ACAD11: variants seen among roughly 807,000 people sequenced by gnomAD.
The protein encoded by ACAD11 is acyl-Coenzyme A dehydrogenase family, member 11.
ACAD11 carries 83 observed loss-of-function variants against 102.2 expected under a neutral mutation model. That is an observed-to-expected ratio of 0.81 (90% CI 0.68 to 0.97). The LOEUF (loss-of-function observed/expected upper bound fraction) is 0.97. Ranked by LOEUF, ACAD11 falls within the 50% of genes least tolerant of loss-of-function variation. ACAD11 has a pLI of 0.00. For synonymous variants in ACAD11, 324 were observed against 319.8 expected (o/e 1.01, Z -0.14); for missense variants, 901 against 951.7 (o/e 0.95, Z 0.70).
intron 17 of ACAD11, among the ~76,000 whole-genome samples, chr3:132,572,099 C>T (rs1937397127): frequency 6.6e-6 from 1 of 152,054 alleles, no homozygotes; most frequent in Non-Finnish European, 1.5e-5. Flanking sequence ...TAAAGTGCAT[C>T]AAAACAGGAA....
intron 16 of ACAD11, among the ~76,000 whole-genome samples, chr3:132,576,141 A>G (rs1937520938): frequency 6.6e-6 from 1 of 152,248 alleles, no homozygotes; most frequent in African/African-American, 2.4e-5. Flanking sequence ...TTCAAATTTC[A>G]GAACTGTCTC....
intron 13 of ACAD11, among the ~76,000 whole-genome samples, chr3:132,595,448 C>T (rs1938259462): frequency 6.6e-6 from 1 of 151,998 alleles, no homozygotes; most frequent in African/African-American, 2.4e-5. Context: ...CAAAAATTGA[C>T]AAATGGGACC....
rs1198859444 is a variant in ACAD11, at chr3:132,575,940, G to A, written c.1847-14C>T. Reference sequence around the variant, plus strand: ...CCCTACCTTCACCTGGGAAGAAAGGGGAAAAAAAGGGGGAATGTGAAAATG... The same window carrying A: ...CCCTACCTTCACCTGGGAAGAAAGGAGAAAAAAAGGGGGAATGTGAAAATG... On this transcript the variant is annotated splice_polypyrimidine_tract_variant and intron_variant, in intron 16 of 19. Transcript: ENST00000264990. The A allele has an allele frequency of 1.2e-6, 2 of 1,604,996 alleles. No individual in the cohort carries two copies. Among genetic ancestry groups the A allele is most frequent in the South Asian group, 1.1e-5 (1 of 89,024 alleles).
At chr3:132,614,038 CAGAG>C (rs372695126) in intron 11 of ACAD11, among the ~76,000 whole-genome samples, 4,405 of 152,204 alleles carry the variant, frequency 0.029, 70 homozygotes, top group African/African-American at 0.03. Flanking sequence ...AATAGACAAA[CAGAG>C]AGCCAAATCT....
intron 17 of ACAD11, among the ~76,000 whole-genome samples, chr3:132,569,762 G>A (rs1429072431): frequency 6.6e-6 from 1 of 152,150 alleles, no homozygotes; most frequent in African/African-American, 2.4e-5. Flanking sequence ...TGACAAAATT[G>A]TAAAATGAAG....
In ACAD11 at chr3:132,578,783, A is replaced by G. The variant is rs1937558133; in HGVS notation, c.1774+13T>C. ...TGCTTGCTAATGCATGGTCATATTT[A>G]TTGGATACCTACCTGTGTAGCCAAA... On this transcript the variant is annotated intron_variant, in intron 15 of 19. Coordinates refer to ENST00000264990, the MANE Select transcript of ACAD11 (RefSeq NM_032169.5). 1 of 1,611,042 alleles carries G rather than the reference A, an allele frequency of 6.2e-7. No individual in the cohort carries two copies. Among genetic ancestry groups the G allele is most frequent in the African/African-American group, 1.3e-5 (1 of 74,722 alleles).
intron 9 of ACAD11, among the ~76,000 whole-genome samples, chr3:132,620,142 T>C (rs1939555461): frequency 2.0e-5 from 3 of 152,076 alleles, no homozygotes; most frequent in South Asian, 4.1e-4. Context: ...AAAACCTAAG[T>C]GGAAGAAAAT....
intron 13 of ACAD11, chr3:132,600,784 T>G (rs1181629249): frequency 6.2e-7 from 1 of 1,613,924 alleles, no homozygotes; most frequent in Non-Finnish European, 8.5e-7. Flanking sequence ...GAATGCAGTT[T>G]CTGGCTTGTA....
At chr3:132,612,578 C>T (rs1939205151) in intron 11 of ACAD11, among the ~76,000 whole-genome samples, 1 of 152,082 alleles carries the variant, frequency 6.6e-6, no homozygotes, top group South Asian at 2.1e-4. Context: ...TATGAACAGA[C>T]ACTTCTCAAA....
At position 132,559,827 on chromosome 3, in the gene ACAD11, A is replaced by T. The variant is rs756972848; in HGVS notation, c.2228+6T>A. ...CGTAGATGATTCTTAAATGACATCT[A>T]CTCACATGTTAGCCAGAGGGTAATC... On this transcript the variant is annotated splice_donor_region_variant and intron_variant, in intron 19 of 19. Coordinates refer to ENST00000264990, the MANE Select transcript of ACAD11 (RefSeq NM_032169.5). 2 of 1,608,428 alleles carry T rather than the reference A, an allele frequency of 1.2e-6. No individual in the cohort carries two copies. The highest frequency in any genetic ancestry group is 2.2e-5 in the South Asian group (2 of 90,634).
At chr3:132,651,984 G>A (rs557718752) in intron 1 of ACAD11, among the ~76,000 whole-genome samples, 30 of 152,134 alleles carry the variant, frequency 2.0e-4, no homozygotes, top group Non-Finnish European at 3.4e-4. Context: ...ATAAGACTTT[G>A]GGGGACTGTC....
intron 18 of ACAD11, among the ~76,000 whole-genome samples, chr3:132,560,405 ATTTT>A (rs1013771155): frequency 4.6e-5 from 7 of 152,008 alleles, no homozygotes; most frequent in Admixed American, 3.3e-4. Context: ...CATGCTGTGC[ATTTT>A]TTGTTTTGTT....
At chr3:132,623,586 A>T (rs1161713234) in intron 9 of ACAD11, among the ~76,000 whole-genome samples, 1 of 152,176 alleles carries the variant, frequency 6.6e-6, no homozygotes, top group Admixed American at 6.5e-5. Context: ...GATTTAAAGG[A>T]TCTTCAAAGA....
At chr3:132,568,452 A>T (rs1161810493) in intron 17 of ACAD11, among the ~76,000 whole-genome samples, 1 of 152,212 alleles carries the variant, frequency 6.6e-6, no homozygotes, top group Admixed American at 6.5e-5. Context: ...AAAACTCCAC[A>T]TAGTAAAGAT....
chr3:132,648,949 T>G (rs1940818809), intron 1 of ACAD11, among the ~76,000 whole-genome samples: 1 of 152,174 alleles, frequency 6.6e-6, no homozygotes, highest in African/African-American at 2.4e-5. Context: ...CAGAAACATG[T>G]GTTGTATGGA....
At chr3:132,610,080 C>A (rs775845316) in intron 11 of ACAD11, among the ~76,000 whole-genome samples, 1 of 152,062 alleles carries the variant, frequency 6.6e-6, no homozygotes, top group African/African-American at 2.4e-5. Context: ...ATTAAACACC[C>A]CTTCATGCAA....
intron 17 of ACAD11, among the ~76,000 whole-genome samples, chr3:132,564,628 G>A (rs1263940522): frequency 1.3e-5 from 2 of 152,096 alleles, no homozygotes; most frequent in African/African-American, 4.8e-5. Flanking sequence ...CTTGGCTCCA[G>A]ACCCCATTCT....
intron 14 of ACAD11, 115 bp from the exon 15 acceptor site, chr3:132,578,996 A>G (rs569851852): frequency 6.5e-7 from 1 of 1,536,472 alleles, no homozygotes; most frequent in East Asian, 2.4e-5. Context: ...GTAAGCAGTG[A>G]TGACTGGAAT....
At chr3:132,649,371 C>G (rs1361154194) in intron 1 of ACAD11, among the ~76,000 whole-genome samples, 3 of 152,182 alleles carry the variant, frequency 2.0e-5, no homozygotes, top group Non-Finnish European at 2.9e-5. Flanking sequence ...GAAAAGCCAC[C>G]CTGTGGTGGG....
Sources: gnomAD v4.1 joint callset for allele counts (sites outside exome capture counted in the v4.1 genomes callset) on GRCh38, gnomAD v4.1.1 for gene constraint, MANE v1.5 for transcripts, NCBI Gene and HGNC (gene_info 2026-07-23, HGNC 2026-07-21) for gene names.